BTBD19: variants seen among roughly 807,000 people sequenced by gnomAD.
The protein encoded by BTBD19 is BTB/POZ domain-containing protein 19.
A neutral mutation model predicts 36.1 loss-of-function variants in BTBD19; 20 were observed. The observed-to-expected ratio is 0.55, with a 90% CI of 0.39 to 0.80. The LOEUF (loss-of-function observed/expected upper bound fraction) is 0.80. BTBD19 is among the 30% of genes least tolerant of loss of function. The pLI is 0.00. For missense variants in BTBD19, 325 were observed against 389.8 expected (o/e 0.83, Z 1.40); for synonymous variants, 157 against 174.3 (o/e 0.90, Z 0.78).
chr1:44,811,563 G>T (rs947460876), intron 3 of BTBD19: 1 of 183,272 alleles, frequency 5.5e-6, no homozygotes, highest in Admixed American at 5.3e-5. Flanking sequence ...ATTCACTGAA[G>T]GTTTCCGATA....
At chr1:44,814,214 T>TTTTTCTTTCTTTC (rs1557635820), downstream of BTBD19, 1 of 114,378 alleles carries the variant, frequency 8.7e-6, no homozygotes, top group Non-Finnish European at 1.7e-5. Context: ...TTCTTTCTTT[T>TTTTTCTTTCTTTC]TCTTTCTTTC....
intron 4 of BTBD19, among the ~76,000 whole-genome samples, 157 bp from the exon 5 acceptor site, chr1:44,812,835 GTGTA>G (rs1652487070): frequency 1.5e-5 from 2 of 133,330 alleles, no homozygotes; most frequent in Middle Eastern, 3.5e-3. Context: ...GTGTGTGTGT[GTGTA>G]GCAGGCTTTC....
At chr1:44,808,811 C>T in exon 1 of BTBD19, 1 of 1,538,968 alleles carries the variant, frequency 6.5e-7, no homozygotes, top group Non-Finnish European at 8.8e-7. Flanking sequence ...ACCCCAACCC[C>T]TTCTCACTCA....
At chr1:44,814,242 C>A (rs1652620261), downstream of BTBD19, 1 of 138,334 alleles carries the variant, frequency 7.2e-6, no homozygotes, top group Non-Finnish European at 1.5e-5. Flanking sequence ...TTCCTTCCTT[C>A]CTTCCTTCCT....
At chr1:44,811,436 C>CA (rs1392767094) in intron 3 of BTBD19, among the ~76,000 whole-genome samples, 2 of 152,142 alleles carry the variant, frequency 1.3e-5, no homozygotes, top group Non-Finnish European at 2.9e-5. Flanking sequence ...GCTAGTGAGA[C>CA]ATTTGGTGTG....
In BTBD19 at chr1:44,813,281, TG is replaced by T. The variant is rs1652519767; in HGVS notation, c.615+17del. The T allele has an allele frequency of 4.6e-6, 7 of 1,536,432 alleles. No individual in the cohort carries two copies. The highest frequency in any genetic ancestry group is 3.5e-6 in the Non-Finnish European group (4 of 1,144,360). ...CGCGCGTGGGCGCGGTGAGTGGGGC[TG>T]GGGGAGCGCAAGGGCACGGAAGGAG... On this transcript the variant is annotated intron_variant, in intron 6 of 7. Transcript: ENST00000450269. This position sits in a 1 kb window ranked among gnomAD's most constrained non-coding sequence, Gnocchi z 7.8.
downstream of BTBD19, chr1:44,814,575 C>G (rs1309173201): frequency 8.6e-6 from 1 of 116,910 alleles, no homozygotes; most frequent in Non-Finnish European, 1.6e-5. Flanking sequence ...TTTTTTGAGA[C>G]AGAGTCTTGC....
intron 4 of BTBD19, 30 bp downstream of exon 4, chr1:44,812,128 G>A (rs1652444659): frequency 7.8e-7 from 1 of 1,290,214 alleles, no homozygotes; most frequent in Non-Finnish European, 1.0e-6. Flanking sequence ...CATGGTAGGA[G>A]TCTGGCTCTG....
rs749182833 is a variant in BTBD19, at chr1:44,812,047, G to A, written c.363G>A (p.Leu121=). The change falls in exon 4 of 8, where the codon CTG becomes CTA. Residue 121 remains leucine, a synonymous_variant. Coordinates refer to ENST00000450269, the Ensembl canonical transcript of BTBD19. ...TTCATTTCTGTTCCCAGCTGTGCCT[G>A]CAGTTTGTGGTGAAGGTGCTGGATG... 20 of 1,305,220 alleles carry A rather than the reference G, an allele frequency of 1.5e-5. No homozygotes were observed. In the South Asian group the frequency reaches 2.0e-4, roughly 13 times the overall value. 80.9% of individuals were successfully genotyped at this position (1,305,220 alleles called of 1,614,324 possible).
rs1370932119 is a variant in BTBD19, at chr1:44,808,918, G to C, written c.86+12G>C. On this transcript the variant is annotated intron_variant, in intron 1 of 7. Transcript: ENST00000450269. ...AACCCGCGATACAGGTGAGGGGTGG[G>C]CCCTGCCTGCGGGTTTTTCTTAGCT... 1 of 1,531,944 alleles carries C rather than the reference G, an allele frequency of 6.5e-7. No individual in the cohort carries two copies. Among genetic ancestry groups the C allele is most frequent in the East Asian group, 2.5e-5 (1 of 40,152 alleles). The allele number at this position is 1,531,944 out of a possible 1,614,324, so 94.9% of individuals were successfully genotyped here. A position where few individuals can be genotyped will look rare whatever the true frequency, so the allele number is the denominator to read the frequency against.
At chr1:44,811,746 G>T in intron 3 of BTBD19, 1 of 307,750 alleles carries the variant, frequency 3.2e-6, no homozygotes. Flanking sequence ...AACAAGTGGA[G>T]GAAGATAAGC....
In BTBD19 at chr1:44,813,432, TA is replaced by T; in HGVS notation, c.675del (p.Ala226ProfsTer8). ...GCCCCGGTGGTGAAAGAGCTGAGAC[TA>T]GCCTTGCTGGCCCCGGCGGAGCTGA... On this transcript the variant is annotated frameshift_variant, in exon 7 of 8. Coordinates refer to ENST00000450269, the Ensembl canonical transcript of BTBD19. LOFTEE classifies it high-confidence loss of function. The surrounding 1 kb of genome is among the most constrained non-coding windows in gnomAD (Gnocchi z 7.8). 1 of 1,550,362 alleles carries T rather than the reference TA, an allele frequency of 6.5e-7. No individual in the cohort carries two copies. Among genetic ancestry groups the T allele is most frequent in the Non-Finnish European group, 8.7e-7 (1 of 1,146,708 alleles).
rs1476864858 is a variant in BTBD19 at position 44,813,810 on chromosome 1, C to G, written c.*38C>G. 1 of 1,550,630 alleles carries G rather than the reference C, an allele frequency of 6.4e-7. No individual in the cohort carries two copies. Among genetic ancestry groups the G allele is most frequent in the Middle Eastern group, 1.7e-4 (1 of 5,974 alleles). ...ACTCGCAGGGAGCCCTCGACCCGCC[C>G]AGCTGAGCCTGCCCCAAACTACAGC... On this transcript the variant is annotated 3_prime_UTR_variant, in exon 8 of 8. Transcript: ENST00000450269. This position sits in a 1 kb window ranked among gnomAD's most constrained non-coding sequence, Gnocchi z 7.8.
intron 4 of BTBD19, chr1:44,812,477 G>A (rs528220287): frequency 3.7e-5 from 17 of 454,348 alleles, no homozygotes; most frequent in East Asian, 1.4e-4. Flanking sequence ...AGGCCGAGGC[G>A]GGCGGATCAA....
Position 44,813,850 on chromosome 1 carries a change from GCGTTCGGAGCGGGCTTC to G in BTBD19, c.*84_*100del. ...CAAACTACAGCTCCCGAAGTGCTCG[GCGTTCGGAGCGGGCTTC>G]CGTTCCCAGCGTGCCCAGTGAGCCG... On this transcript the variant is annotated 3_prime_UTR_variant, in exon 8 of 8. Transcript: ENST00000450269. This position sits in a 1 kb window ranked among gnomAD's most constrained non-coding sequence, Gnocchi z 7.8. The G allele has an allele frequency of 6.5e-7, 1 of 1,530,976 alleles. No homozygotes were observed. The allele number at this position is 1,530,976 out of a possible 1,614,324, so 94.8% of individuals were successfully genotyped here.
Position 44,810,510 on chromosome 1 carries a change from G to A in BTBD19, c.301-44G>A. ...TTGCCCATTACACTGTGGGCACAGG[G>A]CAGGGGAAACTCCCTTCCACTCCCC... On this transcript the variant is annotated intron_variant, in intron 2 of 7. Transcript: ENST00000450269. The surrounding 1 kb of genome is among the most constrained non-coding windows in gnomAD (Gnocchi z 4.2). 1 of 1,550,790 alleles carries A rather than the reference G, an allele frequency of 6.4e-7. No homozygotes were observed. Among genetic ancestry groups the A allele is most frequent in the East Asian group, 2.4e-5 (1 of 40,916 alleles).
At chr1:44,812,208 A>G in intron 4 of BTBD19, 110 bp downstream of exon 4, 2 of 805,170 alleles carry the variant, frequency 2.5e-6, no homozygotes, top group South Asian at 2.8e-5. Flanking sequence ...TAACTTGGGT[A>G]CATGGTGGTG....
intron 3 of BTBD19, 32 bp from the exon 4 acceptor site, chr1:44,812,007 G>A (rs1291288319): frequency 2.3e-6 from 3 of 1,299,118 alleles, no homozygotes; most frequent in Non-Finnish European, 3.1e-6. Context: ...CAGGGACACC[G>A]CCACCCAACC....
At chr1:44,811,259 G>A (rs930214875) in intron 3 of BTBD19, among the ~76,000 whole-genome samples, 6 of 151,550 alleles carry the variant, frequency 4.0e-5, no homozygotes, top group African/African-American at 7.3e-5. Context: ...ATAGAGAAGC[G>A]TGAATGGTGC....
Sources: gnomAD v4.1 joint callset for allele counts (sites outside exome capture counted in the v4.1 genomes callset) on GRCh38, gnomAD v4.1.1 for gene constraint, Gnocchi (gnomAD v3.1) non-coding constraint, MANE v1.5 for transcripts, NCBI Gene and HGNC (gene_info 2026-07-23, HGNC 2026-07-21) for gene names.